The following MAP2K4 variants were observed in gnomAD, a reference collection of about 807,000 sequenced individuals.
MAP2K4 encodes mitogen-activated protein kinase kinase 4.
Under a neutral mutation model 48.5 loss-of-function variants are expected in MAP2K4, and 4 were observed. The observed-to-expected ratio is 0.08, with a 90% CI of 0.04 to 0.19. The LOEUF is 0.19. Ranked by LOEUF, MAP2K4 falls within the 10% of genes least tolerant of loss-of-function variation. The probability of loss-of-function intolerance (pLI) is 1.00; values close to 1 mark genes in which losing one functional copy is unlikely to be tolerated. For synonymous variants in MAP2K4, 166 were observed against 173.1 expected (o/e 0.96, Z 0.32); for missense variants, 258 against 493.3 (o/e 0.52, Z 4.52).
At chr17:12,027,548 T>C (rs1251882825) in intron 1 of MAP2K4, among the ~76,000 whole-genome samples, 2 of 152,084 alleles carry the variant, frequency 1.3e-5, no homozygotes, top group East Asian at 3.9e-4. Context: ...AAGCAAAGTG[T>C]TACCAGACAT....
rs1491089461 is a variant in MAP2K4 at position 12,066,134 on chromosome 17, TTC to T, written c.218+11145_218+11146del. On this transcript the variant is annotated intron_variant, in intron 2 of 10. Coordinates refer to ENST00000353533, the MANE Select transcript of MAP2K4 (RefSeq NM_003010.4). ...ATAACATTTACTATTGTTTCTTTCT[TTC>T]TTTTTTTTTTTTTAATACAGAGAAA... Among the ~76,000 whole-genome samples, 1,166 of 142,888 alleles carry T rather than the reference TTC, an allele frequency of 8.2e-3. 9 individuals are homozygous for T. Among genetic ancestry groups the T allele is most frequent in the Middle Eastern group, 0.015 (4 of 264 alleles). 93.7% of individuals were successfully genotyped at this position (142,888 alleles called of 152,430 possible).
At chr17:12,056,549 A>T (rs975572453) in intron 2 of MAP2K4, among the ~76,000 whole-genome samples, 18 of 152,100 alleles carry the variant, frequency 1.2e-4, no homozygotes, top group Admixed American at 1.2e-3. Context: ...GGACATGGTA[A>T]TAGGTAGTTT....
chr17:12,113,391 A>G (rs1180774860), intron 7 of MAP2K4, 31 bp downstream of exon 7: 3 of 1,608,910 alleles, frequency 1.9e-6, no homozygotes, highest in Non-Finnish European at 2.6e-6. Context: ...TTCTTGCTTG[A>G]TAGTCATTGC....
At chr17:12,021,102 C>T (rs549705805) in intron 1 of MAP2K4, 101 bp downstream of exon 1, 15 of 648,974 alleles carry the variant, frequency 2.3e-5, no homozygotes, top group Non-Finnish European at 3.2e-5. Context: ...CTGAGGAAGC[C>T]ACGGCAGCCG....
In MAP2K4 at chr17:12,142,543, C is replaced by A. The variant is rs1402972204; in HGVS notation, c.*1283C>A. 4.3e-6 allele frequency: 1 copy of A among 232,882 alleles called. No homozygotes were observed. The highest frequency in any genetic ancestry group is 5.6e-5 in the Admixed American group (1 of 17,762). 14.4% of individuals were successfully genotyped at this position (232,882 alleles called of 1,614,324 possible). A position where few individuals can be genotyped will look rare whatever the true frequency, so the allele number is the denominator to read the frequency against. ...AAGGCTAAGAATAGTGGGGCCCAGC[C>A]GATGTGGTAGGTGATAAAGAGGCAT... On this transcript the variant is annotated 3_prime_UTR_variant, in exon 11 of 11. Coordinates refer to ENST00000353533, the MANE Select transcript of MAP2K4 (RefSeq NM_003010.4).
intron 1 of MAP2K4, among the ~76,000 whole-genome samples, chr17:12,031,575 A>T (rs1969438774): frequency 6.6e-6 from 1 of 152,216 alleles, no homozygotes; most frequent in Non-Finnish European, 1.5e-5. Flanking sequence ...ATATCTGTAT[A>T]CAGTGTATAC....
At chr17:12,136,125 G>A (rs928914772) in intron 9 of MAP2K4, among the ~76,000 whole-genome samples, 2 of 152,122 alleles carry the variant, frequency 1.3e-5, no homozygotes, top group Non-Finnish European at 2.9e-5. Context: ...AGAAGCAAAA[G>A]CAAATCATTC....
At chr17:12,076,894 TAATC>T (rs1971030812) in intron 2 of MAP2K4, among the ~76,000 whole-genome samples, 1 of 152,208 alleles carries the variant, frequency 6.6e-6, no homozygotes, top group South Asian at 2.1e-4. Context: ...GTGTGTATCT[TAATC>T]AAATTGTATT....
In MAP2K4 at chr17:12,118,417, A is replaced by G. The variant is rs191803502; in HGVS notation, c.813+5057A>G. Among the ~76,000 whole-genome samples, 290 of 152,256 alleles carry G rather than the reference A, an allele frequency of 1.9e-3. 2 individuals are homozygous for G. The highest frequency in any genetic ancestry group is 4.1e-4 in the South Asian group (2 of 4,826). ...GTTTTCAAGAAGTGAATGTCTTACC[A>G]GTCCATTATTATACTAATCAAAAGG... is the stretch of plus-strand genomic sequence containing the variant. On this transcript the variant is annotated intron_variant, in intron 7 of 10. Transcript: ENST00000353533.
chr17:12,023,290 G>C (rs1005482616), intron 1 of MAP2K4, among the ~76,000 whole-genome samples: 1 of 152,070 alleles, frequency 6.6e-6, no homozygotes, highest in Admixed American at 6.6e-5. Context: ...GGTTTGTTTT[G>C]TTCTGTATCT....
At chr17:12,129,422 C>G (rs1254493793) in intron 9 of MAP2K4, 135 bp downstream of exon 9, 5 of 966,980 alleles carry the variant, frequency 5.2e-6, no homozygotes, top group Admixed American at 2.1e-5. Flanking sequence ...AGCTGGGACT[C>G]TGGATCACTG....
At chr17:12,136,099 C>T (rs1222558061) in intron 9 of MAP2K4, among the ~76,000 whole-genome samples, 1 of 152,132 alleles carries the variant, frequency 6.6e-6, no homozygotes, top group Admixed American at 6.5e-5. Flanking sequence ...GCTCCTCTTG[C>T]CCCCAGTTGA....
chr17:12,045,609 G>T (rs1345873358), intron 1 of MAP2K4, among the ~76,000 whole-genome samples: 1 of 152,184 alleles, frequency 6.6e-6, no homozygotes, highest in Non-Finnish European at 1.5e-5. Flanking sequence ...CAGTTATGTG[G>T]ATGGTTTTCC....
intron 3 of MAP2K4, among the ~76,000 whole-genome samples, chr17:12,090,134 A>G (rs1971515593): frequency 6.6e-6 from 1 of 152,216 alleles, no homozygotes; most frequent in Admixed American, 6.5e-5. Context: ...TTTTGAGTAT[A>G]TAATGACCTA....
Position 12,129,296 on chromosome 17 carries a change from C to T in MAP2K4, c.1040+9C>T. 1.2e-6 allele frequency: 2 copies of T among 1,614,178 alleles called. No individual in the cohort carries two copies. The highest frequency in any genetic ancestry group is 1.1e-5 in the South Asian group (1 of 91,080). ...AACTTTGTCAACTTGTGGTGAGTAC[C>T]TGATTTATGAATGGTCGAACACGCA... is the stretch of plus-strand genomic sequence containing the variant. On this transcript the variant is annotated intron_variant, in intron 9 of 10. Coordinates refer to ENST00000353533, the MANE Select transcript of MAP2K4 (RefSeq NM_003010.4).
intron 9 of MAP2K4, among the ~76,000 whole-genome samples, chr17:12,138,423 TAAG>T (rs1339795277): frequency 6.6e-6 from 1 of 152,108 alleles, no homozygotes; most frequent in Non-Finnish European, 1.5e-5. Flanking sequence ...AAAATGTTAT[TAAG>T]AAAATCATAA....
chr17:12,109,723 CTT>C (rs1185274292), intron 5 of MAP2K4, among the ~76,000 whole-genome samples: 2 of 152,124 alleles, frequency 1.3e-5, no homozygotes, highest in African/African-American at 2.4e-5. Context: ...GTTTAGAAAA[CTT>C]TTTTATTTAC....
chr17:12,084,321 G>A (rs1260698840), intron 3 of MAP2K4, among the ~76,000 whole-genome samples: 1 of 152,316 alleles, frequency 6.6e-6, no homozygotes, highest in Admixed American at 6.5e-5. Flanking sequence ...CTATCGGTGA[G>A]TTTCTGCATT....
At chr17:12,087,239 A>G (rs756512490) in intron 3 of MAP2K4, among the ~76,000 whole-genome samples, 6 of 152,106 alleles carry the variant, frequency 3.9e-5, no homozygotes, top group Non-Finnish European at 5.9e-5. Context: ...ATTCTTTGTC[A>G]TCTTATGGCT....
Sources: allele counts gnomAD v4.1 joint callset (sites outside exome capture counted in the v4.1 genomes callset), GRCh38; gene constraint gnomAD v4.1.1; transcripts MANE v1.5; gene names NCBI Gene and HGNC (gene_info 2026-07-23, HGNC 2026-07-21).